The following TRPM5 variants were observed in gnomAD, a reference collection of about 807,000 sequenced individuals.
The protein encoded by TRPM5 is transient receptor potential cation channel subfamily M member 5, also known as MLSN1 and TRP-related.
A neutral mutation model predicts 124.9 loss-of-function variants in TRPM5; 121 were observed. The ratio of observed to expected loss-of-function variants is 0.97; its 90% CI spans 0.84 to 1.13. TRPM5 has a LOEUF of 1.13. Among genes scored for constraint, TRPM5 ranks in the 50% most tolerant of loss-of-function variants. The pLI, the probability that TRPM5 is intolerant of heterozygous loss-of-function variation, is 0.00. For synonymous variants in TRPM5, 781 were observed against 700.5 expected, an observed-to-expected ratio of 1.11 and a Z score of -1.81; for missense variants, 1,643 against 1,589.1, an observed-to-expected ratio of 1.03 and a Z score of -0.58.
At chr11:2,434,130 TGGCTGTGTGTGTGGA>T in the TRPM5 span, among the ~76,000 whole-genome samples, 2 of 151,508 alleles carry the variant, frequency 1.3e-5, no homozygotes, top group South Asian at 4.2e-4. Context: ...ACACTGTGTG[TGGCTGTGTGTGTGGA>T]GGCTGTGTGT....
upstream of TRPM5, among the ~76,000 whole-genome samples, chr11:2,424,029 C>T (rs946878922): frequency 4.6e-5 from 7 of 152,192 alleles, no homozygotes; most frequent in South Asian, 2.1e-4. Flanking sequence ...AACCACGCGT[C>T]GGGTCACAGG....
chr11:2,404,772 G>A lies in TRPM5; in HGVS notation c.*165C>T, dbSNP rs147886262. 1,894 of 593,002 alleles carry A rather than the reference G, an allele frequency of 3.2e-3. 31 individuals are homozygous for A. The highest frequency in any genetic ancestry group is 0.031 in the African/African-American group (1,646 of 53,624). 36.7% of individuals were successfully genotyped at this position (593,002 alleles called of 1,614,324 possible). ...GGGGAGGCCAGGAGGGACAAGGAGC[G>A]GTTCCTTTGGGTGAGGGTCTGTGGT... On this transcript the variant is annotated 3_prime_UTR_variant, in exon 24 of 24. Transcript: ENST00000155858.
At chr11:2,414,157 C>G (rs1850517163) in exon 12 of TRPM5, 7 of 1,609,552 alleles carry the variant, frequency 4.3e-6, no homozygotes, top group Non-Finnish European at 5.9e-6. Context: ...GGCGCACCAG[C>G]AGGGCGAAGG....
intron 7 of TRPM5, among the ~76,000 whole-genome samples, chr11:2,417,178 G>A (rs1052669885): frequency 1.3e-5 from 2 of 152,218 alleles, no homozygotes; most frequent in African/African-American, 4.8e-5. Flanking sequence ...ATTGGCTAGT[G>A]CGGTGGCTCA....
upstream of TRPM5, among the ~76,000 whole-genome samples, chr11:2,427,194 G>A (rs1845847035): frequency 6.6e-6 from 1 of 152,242 alleles, no homozygotes; most frequent in Non-Finnish European, 1.5e-5. Context: ...AGGCAGGGGT[G>A]TGGCCAAAGC....
chr11:2,412,975 C>T, exon 15 of TRPM5: 2 of 1,606,200 alleles, frequency 1.2e-6, no homozygotes, highest in Middle Eastern at 1.7e-4. Context: ...GGGCCTCGGT[C>T]ACCCTGAGCC....
Position 2,420,468 on chromosome 11 carries a change from G to A in TRPM5, c.466-63C>T, listed in dbSNP as rs553223273. The A allele has an allele frequency of 5.3e-5, 80 of 1,508,730 alleles. No individual in the cohort carries two copies. The East Asian group carries it at 1.1e-3, about 21-fold the overall frequency. 93.5% of individuals were successfully genotyped at this position (1,508,730 alleles called of 1,614,324 possible). ...AGGCAGCTTGGGCTGGTCCCGCTGCGGGATCCTCCCTGCCAGGCCGTGCAC... is the reference window on the plus strand; with the variant it reads ...AGGCAGCTTGGGCTGGTCCCGCTGCAGGATCCTCCCTGCCAGGCCGTGCAC... On this transcript the variant is annotated intron_variant, in intron 3 of 23. Coordinates refer to ENST00000155858, the Ensembl canonical transcript of TRPM5.
chr11:2,411,503 G>A, exon 18 of TRPM5: 4 of 1,609,484 alleles, frequency 2.5e-6, no homozygotes, highest in Non-Finnish European at 3.4e-6. Flanking sequence ...TCAGAAAGAA[G>A]AGGAAGAAGA....
intron 6 of TRPM5, 142 bp downstream of exon 11, chr11:2,418,025 G>A: frequency 1.0e-6 from 1 of 967,994 alleles, no homozygotes; most frequent in Non-Finnish European, 1.5e-6. Flanking sequence ...CTCCCTGTGG[G>A]CCTGAAGCGA....
At chr11:2,406,776 G>A in exon 21 of TRPM5, 1 of 1,611,700 alleles carries the variant, frequency 6.2e-7, no homozygotes, top group Non-Finnish European at 8.5e-7. Flanking sequence ...TGGTCCAGGG[G>A]GTCTGGCAGG....
At chr11:2,406,044 T>A in exon 22 of TRPM5, 1 of 1,612,240 alleles carries the variant, frequency 6.2e-7, no homozygotes, top group Non-Finnish European at 8.5e-7. Flanking sequence ...CTTGATGCGC[T>A]TTTCTTGCTC....
the TRPM5 span, among the ~76,000 whole-genome samples, chr11:2,430,341 ATTGTAAGTTTGCTGAGGC>A: frequency 6.6e-6 from 1 of 152,130 alleles, no homozygotes; most frequent in African/African-American, 2.4e-5. Flanking sequence ...CTCCGTCATG[ATTGTAAGTTTGCTGAGGC>A]CACCCCAGCC....
chr11:2,407,465 G>A (rs904892311), intron 19 of TRPM5, among the ~76,000 whole-genome samples, 165 bp from the exon 25 acceptor site: 2 of 152,168 alleles, frequency 1.3e-5, no homozygotes, highest in African/African-American at 4.8e-5. Flanking sequence ...ACTCTCCTTG[G>A]GTCTTCCCCT....
chr11:2,412,349 T>TCAGCGTG, intron 15 of TRPM5, 96 bp from the exon 21 acceptor site: 1 of 968,686 alleles, frequency 1.0e-6, no homozygotes, highest in Non-Finnish European at 1.6e-6. Context: ...GGATCAGGGT[T>TCAGCGTG]CCATCTATGA....
the TRPM5 span, among the ~76,000 whole-genome samples, chr11:2,430,737 GTGA>G: frequency 3.4e-5 from 4 of 116,422 alleles, no homozygotes; most frequent in Non-Finnish European, 5.4e-5. Flanking sequence ...GGCGGTGATG[GTGA>G]TGGTGTTGGT....
intron 18 of TRPM5, among the ~76,000 whole-genome samples, chr11:2,410,993 G>A (rs1334697492): frequency 6.6e-6 from 1 of 152,104 alleles, no homozygotes; most frequent in Non-Finnish European, 1.5e-5. Context: ...TGCCCTTAGT[G>A]CCTGCCTATC....
At chr11:2,427,632 C>T (rs1845849653), upstream of TRPM5, among the ~76,000 whole-genome samples, 1 of 152,234 alleles carries the variant, frequency 6.6e-6, no homozygotes. Context: ...GGGGCATGTC[C>T]GATTTGACTG....
the TRPM5 span, among the ~76,000 whole-genome samples, chr11:2,444,332 G>T: frequency 6.6e-6 from 1 of 151,792 alleles, no homozygotes; most frequent in Non-Finnish European, 1.5e-5. Context: ...CCCCAACTCC[G>T]GAGTGGCTCA....
At chr11:2,414,718 G>A in exon 11 of TRPM5, 3 of 1,537,924 alleles carry the variant, frequency 2.0e-6, no homozygotes, top group Non-Finnish European at 2.6e-6. Flanking sequence ...CACTCACCAA[G>A]GGCCAGCCGC....
Sources: gnomAD v4.1 joint callset for allele counts (sites outside exome capture counted in the v4.1 genomes callset) on GRCh38, gnomAD v4.1.1 for gene constraint, MANE v1.5 for transcripts, NCBI Gene and HGNC (gene_info 2026-07-23, HGNC 2026-07-21) for gene names.